The following SLIT2 variants were observed in gnomAD, a reference collection of about 807,000 sequenced individuals.
SLIT2 encodes slit guidance ligand 2.
SLIT2 carries 41 observed loss-of-function variants against 185.7 expected under a neutral mutation model. That is an observed-to-expected ratio of 0.22 (90% confidence interval 0.17 to 0.29). The LOEUF is 0.29. Among genes scored for constraint, SLIT2 ranks in the 10% least tolerant of loss-of-function variants. SLIT2 has a pLI of 1.00. For synonymous variants in SLIT2, 693 were observed against 680.2 expected (o/e 1.02, Z -0.29); for missense variants, 1,571 against 1,909.0 (o/e 0.82, Z 3.30).
At chr4:20,544,883 T>A (rs939650350) in intron 21 of SLIT2, among the ~76,000 whole-genome samples, 1 of 151,948 alleles carries the variant, frequency 6.6e-6, no homozygotes, top group Admixed American at 6.6e-5. Context: ...TTCCCTCTAG[T>A]GGTATCAAGA....
At chr4:20,416,472 T>C (rs889869017) in intron 4 of SLIT2, among the ~76,000 whole-genome samples, 3 of 152,174 alleles carry the variant, frequency 2.0e-5, no homozygotes, top group African/African-American at 7.2e-5. Flanking sequence ...AGGTGAGAAC[T>C]TCAACATATG....
intron 4 of SLIT2, among the ~76,000 whole-genome samples, chr4:20,271,191 C>G (rs1309867509): frequency 1.3e-5 from 2 of 151,406 alleles, no homozygotes; most frequent in Non-Finnish European, 2.9e-5. Flanking sequence ...CTTTATAATG[C>G]TCATTTAAAA....
intron 30 of SLIT2, among the ~76,000 whole-genome samples, chr4:20,594,048 G>A (rs533012531): frequency 3.5e-5 from 5 of 143,466 alleles, no homozygotes; most frequent in Admixed American, 3.4e-4. Flanking sequence ...ATGTACATAT[G>A]TACATATTCT....
chr4:20,348,904 A>C (rs1398496826), intron 4 of SLIT2, among the ~76,000 whole-genome samples: 1 of 152,162 alleles, frequency 6.6e-6, no homozygotes, highest in Non-Finnish European at 1.5e-5. Context: ...GTTCCAGTTA[A>C]GTCATATGGC....
chr4:20,523,971 A>G (rs962337489), intron 13 of SLIT2, 43 bp from the exon 14 acceptor site: 6 of 1,612,720 alleles, frequency 3.7e-6, no homozygotes, highest in Non-Finnish European at 4.2e-6. Flanking sequence ...AGCTGAGTCC[A>G]TTGCAAGTCA....
chr4:20,605,182 A>G (rs1312480193), intron 33 of SLIT2, among the ~76,000 whole-genome samples: 1 of 146,984 alleles, frequency 6.8e-6, no homozygotes, highest in Non-Finnish European at 1.5e-5. Flanking sequence ...ACATAAGGAA[A>G]AACAGTCTTT....
chr4:20,533,593 C>T lies in SLIT2; in HGVS notation c.1710C>T (p.Ile570=). The T allele has an allele frequency of 6.2e-7, 1 of 1,610,288 alleles. No individual in the cohort carries two copies. ...TTAGAAACTTTAGCAACAATAAGAT[C>T]ACAGATATTGAGGAGGGAGCATTTG... ...LRKINFSNNK[I]TDIEEGAFEG... Residue 570 remains isoleucine (I), a synonymous_variant, in exon 18 of 37, where the codon ATC becomes ATT. Coordinates refer to ENST00000504154, the MANE Select transcript of SLIT2 (RefSeq NM_004787.4).
At chr4:20,261,513 T>C (rs1162691849) in intron 3 of SLIT2, among the ~76,000 whole-genome samples, 1 of 151,838 alleles carries the variant, frequency 6.6e-6, no homozygotes, top group Non-Finnish European at 1.5e-5. Flanking sequence ...ATTCTCTTGT[T>C]CACACACTGT....
intron 11 of SLIT2, among the ~76,000 whole-genome samples, chr4:20,511,480 G>A (rs1719710848): frequency 7.2e-6 from 1 of 138,482 alleles, no homozygotes; most frequent in Non-Finnish European, 1.5e-5. Flanking sequence ...GGAGTGCAGT[G>A]GCGCCATCTC....
At chr4:20,324,037 A>C (rs35915704) in intron 4 of SLIT2, among the ~76,000 whole-genome samples, 41,262 of 152,108 alleles carry the variant, frequency 0.27, 5,939 homozygotes, top group East Asian at 0.46. Context: ...GGGAAGAAAC[A>C]ATAAGATTGT....
chr4:20,405,965 G>A lies in SLIT2; in HGVS notation c.396-61787G>A, dbSNP rs905186035. Among the ~76,000 whole-genome samples, 4 of 145,030 alleles carry A rather than the reference G, an allele frequency of 2.8e-5. 1 individual carries two copies. Among genetic ancestry groups the A allele is most frequent in the Non-Finnish European group, 4.6e-5 (3 of 64,950 alleles). On this transcript the variant is annotated intron_variant, in intron 4 of 36. Coordinates refer to ENST00000504154, the MANE Select transcript of SLIT2 (RefSeq NM_004787.4). Reference sequence around the variant, plus strand: ...CTTCTTACAATTAGTAAGAAGTTGGGCACTGTGACTGGATCTGGACAATAG... The same window carrying A: ...CTTCTTACAATTAGTAAGAAGTTGGACACTGTGACTGGATCTGGACAATAG...
intron 23 of SLIT2, 47 bp from the exon 24 acceptor site, chr4:20,549,010 A>AT (rs1723499860): frequency 2.7e-6 from 3 of 1,129,490 alleles, no homozygotes; most frequent in Admixed American, 3.4e-5. Flanking sequence ...GTATTTGGCC[A>AT]TTTTTGGATT....
chr4:20,591,780 CTGAACAGATG>C (rs1335166926), intron 30 of SLIT2, among the ~76,000 whole-genome samples: 2 of 152,024 alleles, frequency 1.3e-5, no homozygotes, highest in East Asian at 3.9e-4. Context: ...TGCTCATCTG[CTGAACAGATG>C]TCACAGTACT....
At chr4:20,467,657 C>T (rs1714506006) in intron 4 of SLIT2, 95 bp from the exon 5 acceptor site, 7 of 653,972 alleles carry the variant, frequency 1.1e-5, no homozygotes, top group Non-Finnish European at 5.1e-6. Flanking sequence ...TTTCTTTTTT[C>T]TTTCTGGTGT....
At chr4:20,343,421 C>T (rs771282740) in intron 4 of SLIT2, among the ~76,000 whole-genome samples, 2 of 152,046 alleles carry the variant, frequency 1.3e-5, no homozygotes, top group Non-Finnish European at 2.9e-5. Flanking sequence ...TTTTTTATGG[C>T]CAAATAGTAT....
At position 20,472,525 on chromosome 4, in the gene SLIT2, T is replaced by G. The variant is rs535539261; in HGVS notation, c.467+4702T>G. 2.5e-4 allele frequency among the ~76,000 whole-genome samples: 3 copies of G among 12,204 alleles called. 1 individual carries two copies. The highest frequency in any genetic ancestry group is 2.5e-4 in the Non-Finnish European group (2 of 8,070). 8.0% of individuals were successfully genotyped at this position (12,204 alleles called of 152,430 possible). A position where few individuals can be genotyped will look rare whatever the true frequency, so the allele number is the denominator to read the frequency against. On this transcript the variant is annotated intron_variant, in intron 5 of 36. Coordinates refer to ENST00000504154, the MANE Select transcript of SLIT2 (RefSeq NM_004787.4). Reference sequence around the variant, plus strand: ...ATCTATATATAGATAGATATATATCTATATATAGATATATCTATATCTATA... The same window carrying G: ...ATCTATATATAGATAGATATATATCGATATATAGATATATCTATATCTATA...
chr4:20,385,632 T>C (rs531797244), intron 4 of SLIT2, among the ~76,000 whole-genome samples: 2 of 152,178 alleles, frequency 1.3e-5, no homozygotes, highest in East Asian at 1.9e-4. Flanking sequence ...CTCTTCAGGA[T>C]TTTAAGAAGT....
intron 4 of SLIT2, among the ~76,000 whole-genome samples, chr4:20,277,315 C>T (rs1714264224): frequency 6.6e-6 from 1 of 152,034 alleles, no homozygotes; most frequent in South Asian, 2.1e-4. Flanking sequence ...ACACAAAAGA[C>T]ATTATAAACT....
At chr4:20,608,776 A>G (rs907366091) in intron 33 of SLIT2, among the ~76,000 whole-genome samples, 1 of 152,134 alleles carries the variant, frequency 6.6e-6, no homozygotes, top group Non-Finnish European at 1.5e-5. Context: ...CATTCCCTAG[A>G]CTTTGCCATT....
Sources: allele counts gnomAD v4.1 joint callset (sites outside exome capture counted in the v4.1 genomes callset), GRCh38; gene constraint gnomAD v4.1.1; transcripts MANE v1.5; gene names NCBI Gene and HGNC (gene_info 2026-07-23, HGNC 2026-07-21).